POLE2: variants seen among roughly 807,000 people sequenced by gnomAD.
POLE2 encodes the protein DNA polymerase epsilon subunit 2.
Under a neutral mutation model 79.4 loss-of-function variants are expected in POLE2, and 56 were observed. The observed-to-expected ratio is 0.71, with a 90% CI of 0.57 to 0.88. The LOEUF is 0.88. Among genes scored for constraint, POLE2 ranks in the 40% least tolerant of loss-of-function variants. POLE2 has a pLI of 0.00. For synonymous variants in POLE2, 212 were observed against 214.0 expected (o/e 0.99, Z 0.08); for missense variants, 598 against 638.9 (o/e 0.94, Z 0.69).
chr14:49,655,908 C>A (rs1884630528), intron 10 of POLE2, 65 bp from the exon 11 acceptor site: 2 of 818,944 alleles, frequency 2.4e-6, no homozygotes, highest in African/African-American at 1.8e-5. Flanking sequence ...TAGTTGTATA[C>A]ATTTAGCTTC....
At chr14:49,664,132 T>G (rs1261284722) in intron 9 of POLE2, among the ~76,000 whole-genome samples, 1 of 151,846 alleles carries the variant, frequency 6.6e-6, no homozygotes, top group East Asian at 1.9e-4. Context: ...GTGGACTGCC[T>G]GAGCTCAGGA....
chr14:49,654,461 T>A (rs1884503630), intron 13 of POLE2: 3 of 462,140 alleles, frequency 6.5e-6, no homozygotes, highest in South Asian at 4.0e-5. Context: ...TGGACTGAAT[T>A]TTATATTTAA....
chr14:49,670,366 A>G (rs1282400506), intron 5 of POLE2, among the ~76,000 whole-genome samples: 3 of 150,266 alleles, frequency 2.0e-5, no homozygotes, highest in South Asian at 2.1e-4. Flanking sequence ...CAGAGAAATT[A>G]TAAGAGTTAG....
At chr14:49,668,471 AG>A (rs1450223285) in intron 6 of POLE2, among the ~76,000 whole-genome samples, 8 of 152,080 alleles carry the variant, frequency 5.3e-5, no homozygotes, top group Admixed American at 5.2e-4. Flanking sequence ...AAAAAAAAAA[AG>A]AACCTAAAAC....
intron 15 of POLE2, among the ~76,000 whole-genome samples, chr14:49,653,581 C>T (rs1057395037): frequency 3.3e-5 from 5 of 152,052 alleles, no homozygotes; most frequent in Middle Eastern, 3.4e-3. Context: ...CCATAACAGT[C>T]GAAATTCAGA....
At chr14:49,674,299 A>C in intron 4 of POLE2, 51 bp downstream of exon 4, 2 of 1,487,822 alleles carry the variant, frequency 1.3e-6, no homozygotes. Context: ...TACCTTCTGA[A>C]AAAAAAAGTA....
intron 1 of POLE2, 90 bp downstream of exon 1, chr14:49,688,046 G>C: frequency 9.0e-7 from 1 of 1,109,402 alleles, no homozygotes. Flanking sequence ...TCGGCGCGCG[G>C]GGAGCCGCCG....
intron 17 of POLE2, among the ~76,000 whole-genome samples, chr14:49,648,129 G>A (rs1349064060): frequency 5.9e-5 from 9 of 152,192 alleles, no homozygotes; most frequent in Admixed American, 5.2e-4. Flanking sequence ...TGCCTGTAAA[G>A]CAACTGAGCA....
chr14:49,672,778 C>T (rs1234646403), intron 5 of POLE2, among the ~76,000 whole-genome samples: 2 of 152,128 alleles, frequency 1.3e-5, no homozygotes, highest in African/African-American at 2.4e-5. Context: ...GGATTACAGG[C>T]GTGAGCCACT....
rs540900216 is a variant in POLE2, at chr14:49,673,511, G to A, written c.417+612C>T. On this transcript the variant is annotated intron_variant, in intron 5 of 18. Coordinates refer to ENST00000216367, the MANE Select transcript of POLE2 (RefSeq NM_002692.4). The stretch of plus-strand genomic sequence containing the variant: ...CTTTTCCCCATTTCCACAAGATTAA[G>A]GCAATCTAGGTCCATGCCAAATGCC... Among the ~76,000 whole-genome samples, 14 of 152,244 alleles carry A rather than the reference G, an allele frequency of 9.2e-5. 1 individual carries two copies. In the East Asian group the frequency reaches 2.5e-3, roughly 27 times the overall value.
At chr14:49,679,615 C>G (rs1185120767) in intron 3 of POLE2, 110 bp downstream of exon 3, 1 of 599,592 alleles carries the variant, frequency 1.7e-6, no homozygotes, top group African/African-American at 1.9e-5. Context: ...GAAATAACAA[C>G]AGTAATCACT....
intron 3 of POLE2, 109 bp downstream of exon 3, chr14:49,679,616 A>T: frequency 1.6e-6 from 1 of 606,204 alleles, no homozygotes; most frequent in Admixed American, 3.1e-5. Context: ...AAATAACAAC[A>T]GTAATCACTG....
At chr14:49,672,883 ATC>A (rs1886001255) in intron 5 of POLE2, among the ~76,000 whole-genome samples, 1 of 151,740 alleles carries the variant, frequency 6.6e-6, no homozygotes. Flanking sequence ...ATGCTCCCAA[ATC>A]TCTCTCTTGC....
intron 1 of POLE2, among the ~76,000 whole-genome samples, chr14:49,685,359 G>T (rs1042885682): frequency 6.6e-6 from 1 of 152,172 alleles, no homozygotes; most frequent in Non-Finnish European, 1.5e-5. Context: ...TCCTTCCACA[G>T]AGTTCTAAAT....
intron 2 of POLE2, among the ~76,000 whole-genome samples, chr14:49,682,640 G>GGAAAAAAAAAAA (rs1373991966): frequency 4.3e-4 from 26 of 60,974 alleles, no homozygotes; most frequent in African/African-American, 1.4e-3. Context: ...CCTTCTCAGG[G>GGAAAAAAAAAAA]AAAAAAAAAA....
chr14:49,666,411 A>C lies in POLE2; in HGVS notation c.495T>G (p.Leu165=). 1 of 1,376,750 alleles carries C rather than the reference A, an allele frequency of 7.3e-7. No individual in the cohort carries two copies. The highest frequency in any genetic ancestry group is 9.8e-7 in the Non-Finnish European group (1 of 1,016,224). The allele number at this position is 1,376,750 out of a possible 1,614,324, so 85.3% of individuals were successfully genotyped here. Residue 165 remains leucine, a splice_region_variant and synonymous_variant, in exon 7 of 19, where the codon CTT becomes CTG. Transcript: ENST00000216367. ...HPDESGSKFQ[L]KTIETLLGST... Reference sequence around the variant, plus strand: ...TACCCAATAAGGTTTCTATTGTTTTAAGCTAAAATAAAACAAAATAAATTT... The same window carrying C: ...TACCCAATAAGGTTTCTATTGTTTTCAGCTAAAATAAAACAAAATAAATTT...
intron 18 of POLE2, among the ~76,000 whole-genome samples, chr14:49,646,302 G>GTTTTTTTTGTTTTT (rs1883758731): frequency 3.5e-5 from 3 of 84,578 alleles, no homozygotes; most frequent in Admixed American, 1.2e-4. Context: ...TTTTTTGTTG[G>GTTTTTTTTGTTTTT]TTTTTTTTTT....
Position 49,663,454 on chromosome 14 carries a change from C to T in POLE2, c.683-67G>A, listed in dbSNP as rs187166872. ...TGTTTGAAAGGACAAAATTATGTTA[C>T]AACAAAGCAATAATGCCAGGCTAGT... On this transcript the variant is annotated intron_variant, in intron 9 of 18. Transcript: ENST00000216367. 155 of 1,092,516 alleles carry T rather than the reference C, an allele frequency of 1.4e-4. No homozygotes were observed. The African/African-American group carries it at 2.0e-3, about 14-fold the overall frequency. 67.7% of individuals were successfully genotyped at this position (1,092,516 alleles called of 1,614,324 possible).
chr14:49,675,696 G>T (rs1195470769), intron 3 of POLE2, among the ~76,000 whole-genome samples: 1 of 152,076 alleles, frequency 6.6e-6, no homozygotes, highest in Non-Finnish European at 1.5e-5. Flanking sequence ...AAACTGCTGG[G>T]ATTACAGGCA....
Sources: allele counts gnomAD v4.1 joint callset (sites outside exome capture counted in the v4.1 genomes callset), GRCh38; gene constraint gnomAD v4.1.1; transcripts MANE v1.5; gene names NCBI Gene and HGNC (gene_info 2026-07-23, HGNC 2026-07-21).